Variants in C6 observed in about 807,000 individuals in gnomAD.
C6 encodes complement component C6.
Under a neutral mutation model 112.9 loss-of-function variants are expected in C6, and 101 were observed. That is an observed-to-expected ratio of 0.89 (90% CI 0.76 to 1.06). The LOEUF is 1.06. Among genes scored for constraint, C6 ranks in the 50% least tolerant of loss-of-function variants. The pLI is 0.00. For synonymous variants in C6, 431 were observed against 384.1 expected, an observed-to-expected ratio of 1.12 and a Z score of -1.43; for missense variants, 1,202 against 1,104.6, an observed-to-expected ratio of 1.09 and a Z score of -1.25.
At chr5:41,195,677 G>T in intron 5 of C6, 115 bp downstream of exon 5, 1 of 1,081,074 alleles carries the variant, frequency 9.3e-7, no homozygotes, top group South Asian at 1.2e-5. Flanking sequence ...GATAGGGCTG[G>T]TAGGAGTAGT....
intron 1 of C6, among the ~76,000 whole-genome samples, chr5:41,226,859 G>A (rs557156913): frequency 6.6e-6 from 1 of 151,956 alleles, no homozygotes; most frequent in African/African-American, 2.4e-5. Flanking sequence ...TTCATCTGTC[G>A]ATGGACACTT....
intron 1 of C6, chr5:41,261,162 A>T (rs1742030336): frequency 3.2e-6 from 3 of 933,124 alleles, no homozygotes; most frequent in South Asian, 5.0e-5. Context: ...CCCACCAATT[A>T]AAAAAAAAGA....
At position 41,142,319 on chromosome 5, in the gene C6, G is replaced by A. The variant is rs984836772; in HGVS notation, c.*506C>T. On this transcript the variant is annotated 3_prime_UTR_variant, in exon 18 of 18. Transcript: ENST00000337836. ...TTCATGAAGGCAAAGGCTTTTGTCTGTTTTATTATCTGCCGAGTTCTCAGG... is the reference window on the plus strand; with the variant it reads ...TTCATGAAGGCAAAGGCTTTTGTCTATTTTATTATCTGCCGAGTTCTCAGG... 1 of 160,732 alleles carries A rather than the reference G, an allele frequency of 6.2e-6. No homozygotes were observed. Among genetic ancestry groups the A allele is most frequent in the African/African-American group, 2.4e-5 (1 of 41,546 alleles). The allele number at this position is 160,732 out of a possible 1,614,324, so 10.0% of individuals were successfully genotyped here.
At chr5:41,217,221 C>G (rs1284851794), upstream of C6, among the ~76,000 whole-genome samples, 1 of 152,074 alleles carries the variant, frequency 6.6e-6, no homozygotes, top group Non-Finnish European at 1.5e-5. Flanking sequence ...GATTCCTCCA[C>G]CCTTTAAACA....
chr5:41,186,174 C>G lies in C6; in HGVS notation c.622G>C (p.Val208Leu). The change falls in exon 6 of 18, where the codon GTC becomes CTC. Residue 208 changes from valine to leucine, a missense_variant. By Grantham distance (32) the Val-to-Leu change is conservative (BLOSUM62 1). Coordinates refer to ENST00000337836, the MANE Select transcript of C6 (RefSeq NM_000065.5). The stretch of plus-strand genomic sequence containing the variant: ...CCTCCAGTGAAAGAGTTATCAAGGA[C>G]TTCTCCTCTGGGCTCTCCTGCCAGA... ...HFLAGEPRGE[V>L]LDNSFTGGIC... is the part of the protein sequence containing the mutation. 2 of 1,613,936 alleles carry G rather than the reference C, an allele frequency of 1.2e-6. No individual in the cohort carries two copies. The highest frequency in any genetic ancestry group is 1.3e-5 in the African/African-American group (1 of 75,060).
intron 1 of C6, among the ~76,000 whole-genome samples, chr5:41,228,612 T>A (rs1739678732): frequency 6.6e-6 from 1 of 152,178 alleles, no homozygotes; most frequent in Non-Finnish European, 1.5e-5. Flanking sequence ...GTCTTTACTG[T>A]GTTGAGGTAC....
intron 1 of C6, among the ~76,000 whole-genome samples, chr5:41,248,691 G>A (rs548413514): frequency 7.5e-4 from 114 of 152,338 alleles, no homozygotes; most frequent in Middle Eastern, 6.8e-3. Context: ...TGGATAAGCC[G>A]TGGGGAAAAT....
chr5:41,161,862 G>A lies in C6; in HGVS notation c.1292-3C>T. On this transcript the variant is annotated splice_region_variant and splice_polypyrimidine_tract_variant and intron_variant, in intron 9 of 17. Transcript: ENST00000337836. ...CTCTGCTCCCTGTATAAATGAACCT[G>A]CAAGGTGTTTCAATAAAAATGCCCA... The A allele has an allele frequency of 6.2e-7, 1 of 1,613,022 alleles. No homozygotes were observed.
rs1299095722 is a variant in C6, at chr5:41,195,948, C to T, written c.446-15G>A. 6.2e-7 allele frequency: 1 copy of T among 1,613,300 alleles called. No individual in the cohort carries two copies. The highest frequency in any genetic ancestry group is 1.3e-5 in the African/African-American group (1 of 75,036). On this transcript the variant is annotated splice_polypyrimidine_tract_variant and intron_variant, in intron 4 of 17. Transcript: ENST00000337836. ...AATGCAGCGGCCTAGTCAAGAAAAG[C>T]AAACAAAATCAATGCAACAAATTAT...
rs191607243 is a variant in C6, at chr5:41,256,406, T to C, written c.-21+4788A>G. On this transcript the variant is annotated intron_variant, in intron 1 of 17. Transcript: ENST00000263413. ...AACTAACGTGCACAATGTGCACATA[T>C]ACCCTAAAACTTAAAGTATAATTAA... 3.9e-5 allele frequency among the ~76,000 whole-genome samples: 5 copies of C among 128,628 alleles called. No individual in the cohort carries two copies. The East Asian group carries it at 8.8e-4, about 23-fold the overall frequency. 84.4% of individuals were successfully genotyped at this position (128,628 alleles called of 152,430 possible). A position where few individuals can be genotyped will look rare whatever the true frequency, so the allele number is the denominator to read the frequency against.
intron 1 of C6, among the ~76,000 whole-genome samples, chr5:41,210,248 T>C (rs1051549602): frequency 6.6e-6 from 1 of 152,256 alleles, no homozygotes; most frequent in East Asian, 1.9e-4. Context: ...ATGCTAGACC[T>C]AAAACCATAA....
At chr5:41,161,663 T>C (rs1387560398) in intron 10 of C6, 30 bp downstream of exon 10, 21 of 1,594,328 alleles carry the variant, frequency 1.3e-5, no homozygotes, top group Middle Eastern at 3.3e-4. Context: ...CTACTTTAGA[T>C]CTCTTACCTG....
At chr5:41,256,017 A>G (rs1300924793) in intron 1 of C6, among the ~76,000 whole-genome samples, 1 of 152,204 alleles carries the variant, frequency 6.6e-6, no homozygotes, top group Non-Finnish European at 1.5e-5. Flanking sequence ...AGCAAATGTC[A>G]TGTTAGATGT....
chr5:41,182,083 A>G (rs1301744787), intron 6 of C6, among the ~76,000 whole-genome samples: 1 of 152,164 alleles, frequency 6.6e-6, no homozygotes, highest in African/African-American at 2.4e-5. Context: ...CAAAGCTCCC[A>G]GTGCTGATCA....
chr5:41,254,594 T>G (rs113240318), intron 1 of C6, among the ~76,000 whole-genome samples: 1,531 of 152,268 alleles, frequency 0.01, 33 homozygotes, highest in African/African-American at 0.035. Flanking sequence ...CCTTGATAAC[T>G]CCCTTTACAG....
chr5:41,186,111 G>A lies in C6; in HGVS notation c.685C>T (p.Pro229Ser). Reference protein sequence around the residue: ...KTVKSSRTSNPYRVPANLENV... With the variant: ...KTVKSSRTSNSYRVPANLENV... The stretch of plus-strand genomic sequence containing the variant: ...TCCAGATTGGCCGGAACACGGTATG[G>A]ATTACTTGTCCTACTGCTTTTGACA... The change falls in exon 6 of 18, where the codon CCA (proline) becomes TCA (serine). Residue 229 changes from proline (P) to serine (S), a missense_variant. Pro to Ser is a moderately conservative substitution (Grantham distance 74). Coordinates refer to ENST00000337836, the MANE Select transcript of C6 (RefSeq NM_000065.5). The A allele has an allele frequency of 6.2e-7, 1 of 1,613,960 alleles. No individual in the cohort carries two copies. Among genetic ancestry groups the A allele is most frequent in the Non-Finnish European group, 8.5e-7 (1 of 1,179,930 alleles).
Position 41,189,367 on chromosome 5 carries a change from C to A in C6, c.588-3159G>T, listed in dbSNP as rs144688391. On this transcript the variant is annotated intron_variant, in intron 5 of 17. Coordinates refer to ENST00000337836, the MANE Select transcript of C6 (RefSeq NM_000065.5). ...TTACTCATACTAGTCAAAGTAGGAA[C>A]AAACCAAATGTTCATTAGCTGATGA... Among the ~76,000 whole-genome samples the A allele has an allele frequency of 5.9e-5, 9 of 152,074 alleles. No homozygotes were observed. In the East Asian group the frequency reaches 1.2e-3, roughly 20 times the overall value.
At chr5:41,176,421 A>G in intron 8 of C6, 54 bp downstream of exon 8, 2 of 1,570,290 alleles carry the variant, frequency 1.3e-6, no homozygotes. Flanking sequence ...TAAGAGAAAA[A>G]TGTATTGCAT....
chr5:41,218,487 A>T (rs1473783013), upstream of C6, among the ~76,000 whole-genome samples: 3 of 152,196 alleles, frequency 2.0e-5, no homozygotes, highest in Non-Finnish European at 4.4e-5. Flanking sequence ...TTTTTAAGAA[A>T]TATTTCTTTA....
Sources: gnomAD v4.1 joint callset for allele counts (sites outside exome capture counted in the v4.1 genomes callset) on GRCh38, gnomAD v4.1.1 for gene constraint, MANE v1.5 for transcripts, NCBI Gene and HGNC (gene_info 2026-07-23, HGNC 2026-07-21) for gene names.